Variants in KIAA0930 observed in about 807,000 individuals in gnomAD.
KIAA0930 encodes KIAA0930.
In KIAA0930, 24 loss-of-function variants were observed where a neutral mutation model predicts 43.9. That is an observed-to-expected ratio of 0.55 (90% CI 0.40 to 0.77). The LOEUF (loss-of-function observed/expected upper bound fraction) is 0.77, where lower values mean the gene tolerates loss of function less well. Ranked by LOEUF, KIAA0930 falls within the 30% of genes least tolerant of loss-of-function variation. KIAA0930 has a pLI of 0.00. For synonymous variants in KIAA0930, 259 were observed against 216.4 expected (o/e 1.20, Z -1.73); for missense variants, 461 against 574.2 (o/e 0.80, Z 2.02).
intron 1 of KIAA0930, among the ~76,000 whole-genome samples, chr22:45,233,654 C>A (rs953275949): frequency 6.6e-6 from 1 of 151,938 alleles, no homozygotes; most frequent in Non-Finnish European, 1.5e-5. Context: ...GCTCTCAGGA[C>A]GCTGGGAGGG....
At position 45,209,729 on chromosome 22, in the gene KIAA0930, C is replaced by T. The variant is rs2083675969; in HGVS notation, c.216+2227G>A. ...GCCAGATATGAGTCATTTCTGTGCT[C>T]CCAGCACTGAGTGTGGGGGGGCATC... On this transcript the variant is annotated intron_variant, in intron 2 of 9. Transcript: ENST00000336156. Among the ~76,000 whole-genome samples the T allele has an allele frequency of 2.0e-5, 3 of 152,216 alleles. No individual in the cohort carries two copies. In the South Asian group the frequency reaches 6.2e-4, roughly 31 times the overall value.
Position 45,199,862 on chromosome 22 carries a change from T to G in KIAA0930, c.1015+11A>C. ...GGCACGGGGACCCTAGGGCACGGAG[T>G]GGGGGGTCACCTCCACCGTCGTCCT... On this transcript the variant is annotated intron_variant, in intron 8 of 9. Transcript: ENST00000336156. The G allele has an allele frequency of 6.4e-7, 1 of 1,552,334 alleles. No homozygotes were observed. The highest frequency in any genetic ancestry group is 1.4e-5 in the African/African-American group (1 of 72,622).
intron 1 of KIAA0930, chr22:45,212,345 C>T (rs140673825): frequency 1.9e-6 from 3 of 1,609,280 alleles, no homozygotes; most frequent in African/African-American, 1.3e-5. Flanking sequence ...AGAGCCCATG[C>T]TCCCAGCCCC....
intron 4 of KIAA0930, 124 bp downstream of exon 4, chr22:45,205,506 A>G (rs1054901495): frequency 2.1e-5 from 20 of 973,916 alleles, no homozygotes; most frequent in Non-Finnish European, 3.0e-5. Flanking sequence ...GGAGCTGAGC[A>G]GATTTCTGGA....
chr22:45,226,360 C>T (rs1346793582), intron 1 of KIAA0930: 1 of 470,762 alleles, frequency 2.1e-6, no homozygotes, highest in African/African-American at 2.0e-5. Flanking sequence ...TGGGCCTGCT[C>T]TGCCCCAGGC....
chr22:45,232,481 T>C (rs2083859946), intron 1 of KIAA0930, among the ~76,000 whole-genome samples: 1 of 152,158 alleles, frequency 6.6e-6, no homozygotes, highest in Non-Finnish European at 1.5e-5. Context: ...ACTGGTGAGA[T>C]CAGGCAGCCA....
chr22:45,212,163 C>G, intron 1 of KIAA0930, 56 bp from the exon 2 acceptor site: 1 of 1,613,588 alleles, frequency 6.2e-7, no homozygotes, highest in Non-Finnish European at 8.5e-7. Flanking sequence ...GCCCTTGCAG[C>G]ATGGCCTTGG....
At chr22:45,238,165 A>C (rs1029235286) in intron 1 of KIAA0930, among the ~76,000 whole-genome samples, 1 of 151,528 alleles carries the variant, frequency 6.6e-6, no homozygotes, top group African/African-American at 2.4e-5. Context: ...TGACCTCATG[A>C]TCCGCCCGCC....
In KIAA0930 at chr22:45,199,941, A is replaced by T; in HGVS notation, c.947T>A (p.Ile316Asn). Residue 316 changes from isoleucine (I) to asparagine (N), a missense_variant, in exon 8 of 10, where the codon ATC becomes AAC. Ile to Asn is a moderately radical substitution (Grantham distance 149). Transcript: ENST00000336156. ...SLKRKVPRNR[I>N]AEMKKSHSAN... Reference sequence around the variant, plus strand: ...CGAGTGCGACTTCTTCATCTCAGCGATCCGGTTCCGGGGCACCTTCCTCTT... The same window carrying T: ...CGAGTGCGACTTCTTCATCTCAGCGTTCCGGTTCCGGGGCACCTTCCTCTT... 1 of 1,609,848 alleles carries T rather than the reference A, an allele frequency of 6.2e-7. No individual in the cohort carries two copies. Among genetic ancestry groups the T allele is most frequent in the Non-Finnish European group, 8.5e-7 (1 of 1,177,494 alleles).
At chr22:45,225,916 C>T (rs2147759726) in intron 1 of KIAA0930, among the ~76,000 whole-genome samples, 1 of 152,368 alleles carries the variant, frequency 6.6e-6, no homozygotes, top group Non-Finnish European at 1.5e-5. Flanking sequence ...GCAGTCAGGC[C>T]TGTCAGGGCC....
chr22:45,199,779 C>T (rs2083569804), intron 8 of KIAA0930, 94 bp downstream of exon 8: 1 of 1,269,118 alleles, frequency 7.9e-7, no homozygotes, highest in Admixed American at 2.6e-5. Flanking sequence ...GCTGAATGAA[C>T]AAATGAATGA....
At chr22:45,238,819 A>G (rs545469942) in intron 1 of KIAA0930, among the ~76,000 whole-genome samples, 4 of 151,708 alleles carry the variant, frequency 2.6e-5, no homozygotes, top group African/African-American at 7.3e-5. Flanking sequence ...AGGCTGGCAG[A>G]GGGTCAGTCC....
chr22:45,224,576 G>A (rs982961613), intron 1 of KIAA0930, among the ~76,000 whole-genome samples: 3 of 152,170 alleles, frequency 2.0e-5, no homozygotes, highest in African/African-American at 7.2e-5. Context: ...GGTCTCATGC[G>A]GTCCCTGCTG....
At chr22:45,232,215 G>A (rs1168346948) in intron 1 of KIAA0930, among the ~76,000 whole-genome samples, 1 of 152,330 alleles carries the variant, frequency 6.6e-6, no homozygotes, top group South Asian at 2.1e-4. Context: ...ACACGAGGGT[G>A]TGCAGGGCAG....
intron 1 of KIAA0930, among the ~76,000 whole-genome samples, chr22:45,238,874 G>GGC (rs1036096159): frequency 4.8e-5 from 7 of 145,496 alleles, no homozygotes; most frequent in African/African-American, 1.6e-4. Flanking sequence ...TCCCTGGGCA[G>GGC]GCTCTCTCTC....
chr22:45,234,705 G>A (rs1393637321), intron 1 of KIAA0930, among the ~76,000 whole-genome samples: 3 of 152,226 alleles, frequency 2.0e-5, no homozygotes, highest in Non-Finnish European at 4.4e-5. Flanking sequence ...AGTGAAAACT[G>A]GATCCCAGCT....
chr22:45,233,920 G>C (rs1220250308), intron 1 of KIAA0930, among the ~76,000 whole-genome samples: 1 of 152,258 alleles, frequency 6.6e-6, no homozygotes, highest in Non-Finnish European at 1.5e-5. Flanking sequence ...GGTCCAGAGG[G>C]ACAAGGGCCT....
In KIAA0930 at chr22:45,213,573, A is replaced by G. The variant is rs975187112; in HGVS notation, c.65-1466T>C. 3 of 953,360 alleles carry G rather than the reference A, an allele frequency of 3.1e-6. No individual in the cohort carries two copies. The African/African-American group carries it at 5.2e-5, about 17-fold the overall frequency. The allele number at this position is 953,360 out of a possible 1,614,324, so 59.1% of individuals were successfully genotyped here. A position where few individuals can be genotyped will look rare whatever the true frequency, so the allele number is the denominator to read the frequency against. On this transcript the variant is annotated intron_variant, in intron 1 of 9. Transcript: ENST00000336156. ...CAACAGGCAAAGCCCAAGTCACGCTACTACAGACCCTTGCAAAATTAAGCA... is the reference window on the plus strand; with the variant it reads ...CAACAGGCAAAGCCCAAGTCACGCTGCTACAGACCCTTGCAAAATTAAGCA...
rs779156679 is a variant in KIAA0930, at chr22:45,205,610, G to T, written c.414+20C>A. The T allele has an allele frequency of 6.2e-7, 1 of 1,611,270 alleles. No individual in the cohort carries two copies. The highest frequency in any genetic ancestry group is 1.1e-5 in the South Asian group (1 of 90,992). On this transcript the variant is annotated intron_variant, in intron 4 of 9. Coordinates refer to ENST00000336156, the MANE Select transcript of KIAA0930 (RefSeq NM_001009880.2). ...TGAACTGGCAGTTAGGAGGCTGGGG[G>T]CTCTCGTGCCAGGGCTCACCTGAGA...
Sources: gnomAD v4.1 joint callset for allele counts (sites outside exome capture counted in the v4.1 genomes callset) on GRCh38, gnomAD v4.1.1 for gene constraint, MANE v1.5 for transcripts, NCBI Gene and HGNC (gene_info 2026-07-23, HGNC 2026-07-21) for gene names.